Variants in TTLL8 observed in about 807,000 individuals in gnomAD.
TTLL8 encodes the protein protein monoglycylase TTLL8.
In TTLL8, 65 loss-of-function variants were observed where a neutral mutation model predicts 77.8. The ratio of observed to expected loss-of-function variants is 0.84; its 90% confidence interval spans 0.68 to 1.03. The LOEUF (loss-of-function observed/expected upper bound fraction) is 1.03. Among genes scored for constraint, TTLL8 ranks in the 50% least tolerant of loss-of-function variants. TTLL8 has a pLI of 0.00. For missense variants in TTLL8, 910 were observed against 1,004.5 expected, an observed-to-expected ratio of 0.91 and a Z score of 1.27; for synonymous variants, 402 against 422.8, an observed-to-expected ratio of 0.95 and a Z score of 0.60.
upstream of TTLL8, among the ~76,000 whole-genome samples, chr22:50,056,033 G>A (rs1375351841): frequency 6.6e-6 from 1 of 152,178 alleles, no homozygotes; most frequent in Non-Finnish European, 1.5e-5. This position sits in a 1 kb window ranked among gnomAD's most constrained non-coding sequence, Gnocchi z 4.1. Context: ...AGATGATGAT[G>A]AGAGTGACCT....
chr22:50,040,093 T>A (rs1180735168), intron 8 of TTLL8, among the ~76,000 whole-genome samples: 1 of 123,856 alleles, frequency 8.1e-6, no homozygotes, highest in Non-Finnish European at 1.7e-5. Flanking sequence ...CCAGCATGGA[T>A]GGACCTCACG....
Position 50,031,831 on chromosome 22 carries a change from C to T in TTLL8, c.1562G>A (p.Trp521Ter). 1 of 1,367,214 alleles carries T rather than the reference C, an allele frequency of 7.3e-7. No homozygotes were observed. The highest frequency in any genetic ancestry group is 9.8e-7 in the Non-Finnish European group (1 of 1,021,862). The allele number at this position is 1,367,214 out of a possible 1,614,324, so 84.7% of individuals were successfully genotyped here. A position where few individuals can be genotyped will look rare whatever the true frequency, so the allele number is the denominator to read the frequency against. Residue 521 changes from tryptophan (W) to a stop codon, truncating the protein, a stop_gained, in exon 11 of 14, where the codon TGG (tryptophan) becomes TAG (stop). Coordinates refer to ENST00000266182, the Ensembl canonical transcript of TTLL8. LOFTEE classifies it high-confidence loss of function. ...GGGGCTGGAATTGATCTCGATCAGC[C>T]AGGGCCTGAAGTCCCTCCCAAGGAC...
chr22:50,034,298 A>C lies in TTLL8; in HGVS notation c.1039+47T>G. The C allele has an allele frequency of 7.5e-7, 1 of 1,334,026 alleles. No individual in the cohort carries two copies. Among genetic ancestry groups the C allele is most frequent in the Non-Finnish European group, 1.0e-6 (1 of 1,003,948 alleles). 82.6% of individuals were successfully genotyped at this position (1,334,026 alleles called of 1,614,324 possible). Reference sequence around the variant, plus strand: ...CCCTCACTCACGGCTCCTGGCATCAAGTGTGGCCGTTGGTGGCTATGAACG... The same window carrying C: ...CCCTCACTCACGGCTCCTGGCATCACGTGTGGCCGTTGGTGGCTATGAACG... On this transcript the variant is annotated intron_variant, in intron 9 of 13. Transcript: ENST00000266182. The surrounding 1 kb of genome is among the most constrained non-coding windows in gnomAD (Gnocchi z 4.1).
intron 12 of TTLL8, among the ~76,000 whole-genome samples, chr22:50,022,816 G>A (rs768091035): frequency 1.1e-4 from 17 of 152,260 alleles, no homozygotes; most frequent in Non-Finnish European, 2.2e-4. Flanking sequence ...TGCAGGTGAT[G>A]TGACTTTGTC....
rs996158278 is a variant in TTLL8 at position 50,026,705 on chromosome 22, C to T, written c.2203+3725G>A. Among the ~76,000 whole-genome samples the T allele has an allele frequency of 1.1e-4, 16 of 152,318 alleles. No individual in the cohort carries two copies. In the East Asian group the frequency reaches 1.7e-3, roughly 17 times the overall value. ...GTGTGGGTATCACACATGTGACAAT[C>T]CATCAAGCTGTGTCTACTTACGGTC... On this transcript the variant is annotated intron_variant, in intron 12 of 13. Coordinates refer to ENST00000266182, the Ensembl canonical transcript of TTLL8.
At chr22:50,050,058 C>G (rs745889375) in intron 2 of TTLL8, 51 bp downstream of exon 4, 4 of 1,348,958 alleles carry the variant, frequency 3.0e-6, no homozygotes, top group African/African-American at 3.0e-5. Context: ...TCCTCCTGCC[C>G]GTGACAGACG....
upstream of TTLL8, chr22:50,054,645 C>A (rs74984208): frequency 0.019 from 3,744 of 199,564 alleles, 142 homozygotes; most frequent in African/African-American, 0.082. Flanking sequence ...TGGGGATAAG[C>A]AGATAAACAG....
rs928099360 is a variant in TTLL8 at position 50,044,154 on chromosome 22, A to C, written c.643+1101T>G. Among the ~76,000 whole-genome samples, 1 of 152,088 alleles carries C rather than the reference A, an allele frequency of 6.6e-6. No homozygotes were observed. The highest frequency in any genetic ancestry group is 1.5e-5 in the Non-Finnish European group (1 of 68,010). ...AGCCTGGCCAACATGGCAAAACCCC[A>C]TCTCTACTAAAAATACAAAACATTA... On this transcript the variant is annotated intron_variant, in intron 6 of 13. Coordinates refer to ENST00000266182, the Ensembl canonical transcript of TTLL8. This position sits in a 1 kb window ranked among gnomAD's most constrained non-coding sequence, Gnocchi z 4.2.
At chr22:50,055,200 T>A, upstream of TTLL8, 3 of 1,280,310 alleles carry the variant, frequency 2.3e-6, no homozygotes, top group Non-Finnish European at 3.0e-6. Context: ...TAAAAAAGTG[T>A]CCCCCTCCCC....
At chr22:50,040,889 G>C (rs2061366210) in intron 8 of TTLL8, among the ~76,000 whole-genome samples, 1 of 152,120 alleles carries the variant, frequency 6.6e-6, no homozygotes, top group Non-Finnish European at 1.5e-5. Context: ...TGTCAAGGGA[G>C]TGCTGAACCC....
chr22:50,041,555 C>A lies in TTLL8; in HGVS notation c.830+66G>T. ...GACCCAGTTCCCAGAGGCTGCACTG[C>A]CCCGGCAGCTCCTGCAATCTGCACT... On this transcript the variant is annotated intron_variant, in intron 7 of 13. Transcript: ENST00000266182. The surrounding 1 kb of genome is among the most constrained non-coding windows in gnomAD (Gnocchi z 4.3). 1 of 1,266,262 alleles carries A rather than the reference C, an allele frequency of 7.9e-7. No homozygotes were observed. Among genetic ancestry groups the A allele is most frequent in the South Asian group, 1.4e-5 (1 of 72,864 alleles). The allele number at this position is 1,266,262 out of a possible 1,614,324, so 78.4% of individuals were successfully genotyped here. A position where few individuals can be genotyped will look rare whatever the true frequency, so the allele number is the denominator to read the frequency against.
rs116695156 is a variant in TTLL8 at position 50,049,412 on chromosome 22, C to T, written c.191-90G>A. The T allele has an allele frequency of 2.4e-4, 309 of 1,310,730 alleles. No homozygotes were observed. The African/African-American group carries it at 3.9e-3, about 16-fold the overall frequency. 81.2% of individuals were successfully genotyped at this position (1,310,730 alleles called of 1,614,324 possible). On this transcript the variant is annotated intron_variant, in intron 2 of 13. Coordinates refer to ENST00000266182, the Ensembl canonical transcript of TTLL8. ...GTTACCACAACCGCAGGCAGGACAG[C>T]GACTTTACTTCCAGAAACCTGGCTC... is the stretch of plus-strand genomic sequence containing the variant.
intron 12 of TTLL8, among the ~76,000 whole-genome samples, chr22:50,020,147 A>G (rs930889363): frequency 6.6e-6 from 1 of 152,242 alleles, no homozygotes; most frequent in Non-Finnish European, 1.5e-5. Flanking sequence ...AGAATTACAT[A>G]TTATTTGCAC....
chr22:50,045,741 TC>T, intron 5 of TTLL8, 114 bp downstream of exon 7: 1 of 1,221,682 alleles, frequency 8.2e-7, no homozygotes, highest in South Asian at 1.4e-5. Context: ...GGGAGGCCTC[TC>T]CCCGGTCCTC....
chr22:50,031,462 G>C (rs1360146368), intron 11 of TTLL8, among the ~76,000 whole-genome samples: 1 of 152,236 alleles, frequency 6.6e-6, no homozygotes, highest in African/African-American at 2.4e-5. Flanking sequence ...CCGCACGCCT[G>C]GAGTAGCCCC....
intron 12 of TTLL8, among the ~76,000 whole-genome samples, chr22:50,018,995 TCATGCCCAGTAGACTGTTAAAAA>T (rs1320317301): frequency 6.6e-6 from 1 of 152,212 alleles, no homozygotes; most frequent in African/African-American, 2.4e-5. Flanking sequence ...ATGATGATAA[TCATGCCCAGTAGACTGTTAAAAA>T]CATTATTAAA....
At chr22:50,030,406 C>G in intron 12 of TTLL8, 24 bp downstream of exon 13, 2 of 1,297,510 alleles carry the variant, frequency 1.5e-6, no homozygotes, top group South Asian at 1.3e-5. Flanking sequence ...AAGCCCACAG[C>G]GCACCGCCGG....
At chr22:50,057,989 T>C (rs1163870807), upstream of TTLL8, among the ~76,000 whole-genome samples, 1 of 148,746 alleles carries the variant, frequency 6.7e-6, no homozygotes, top group African/African-American at 2.5e-5. Context: ...ATTCCTAGGG[T>C]AAGGGGTCTA....
chr22:50,027,688 C>T (rs1306055568), intron 12 of TTLL8: 6 of 985,344 alleles, frequency 6.1e-6, no homozygotes, highest in Non-Finnish European at 7.2e-6. Flanking sequence ...GGCCTGGTGA[C>T]CCTGTCGCCG....
Sources: gnomAD v4.1 joint callset for allele counts (sites outside exome capture counted in the v4.1 genomes callset) on GRCh38, gnomAD v4.1.1 for gene constraint, Gnocchi (gnomAD v3.1) non-coding constraint, MANE v1.5 for transcripts, NCBI Gene and HGNC (gene_info 2026-07-23, HGNC 2026-07-21) for gene names.